The following PGM5 variants were observed in gnomAD, a reference collection of about 807,000 sequenced individuals.
The protein encoded by PGM5 is phosphoglucomutase-like protein 5.
Under a neutral mutation model 59.2 loss-of-function variants are expected in PGM5, and 23 were observed. The ratio of observed to expected loss-of-function variants is 0.39; its 90% CI spans 0.28 to 0.55. The LOEUF is 0.55. Among genes scored for constraint, PGM5 ranks in the 20% least tolerant of loss-of-function variants. The pLI, the probability that PGM5 is intolerant of heterozygous loss-of-function variation, is 0.66. For synonymous variants in PGM5, 214 were observed against 286.0 expected (o/e 0.75, Z 2.54); for missense variants, 574 against 748.3 (o/e 0.77, Z 2.72).
intron 2 of PGM5, among the ~76,000 whole-genome samples, chr9:68,380,232 A>G (rs1554678211): frequency 6.6e-6 from 1 of 152,116 alleles, no homozygotes; most frequent in East Asian, 1.9e-4. Flanking sequence ...AAAAGATTGA[A>G]ATCATGTCTA....
At chr9:68,429,383 A>C (rs1339694961) in intron 6 of PGM5, 1 of 152,172 alleles carries the variant, frequency 6.6e-6, no homozygotes, top group African/African-American at 2.4e-5. Flanking sequence ...TCAACCAACC[A>C]ACCAATCAAC....
chr9:68,402,092 T>A (rs1180589282), intron 6 of PGM5, among the ~76,000 whole-genome samples: 1 of 152,010 alleles, frequency 6.6e-6, no homozygotes, highest in Non-Finnish European at 1.5e-5. Context: ...GCGAAGCCCC[T>A]GTCTCTACTA....
At chr9:68,406,226 C>T (rs1822806441) in intron 6 of PGM5, 1 of 151,990 alleles carries the variant, frequency 6.6e-6, no homozygotes, top group African/African-American at 2.4e-5. Flanking sequence ...CTCAGGGTGT[C>T]TTAGTCTATT....
intron 6 of PGM5, among the ~76,000 whole-genome samples, chr9:68,412,575 C>T (rs34573168): frequency 2.0e-5 from 3 of 152,202 alleles, no homozygotes; most frequent in African/African-American, 4.8e-5. Flanking sequence ...ATGGATCCAT[C>T]TGCACAGGAA....
intron 7 of PGM5, among the ~76,000 whole-genome samples, chr9:68,474,819 G>A (rs1262243364): frequency 6.6e-6 from 1 of 150,494 alleles, no homozygotes; most frequent in African/African-American, 2.5e-5. Context: ...AAATTGTGCT[G>A]GTGTTATTCA....
intron 6 of PGM5, among the ~76,000 whole-genome samples, chr9:68,410,260 T>G (rs1554681514): frequency 7.1e-6 from 1 of 140,872 alleles, no homozygotes. Context: ...TGGCCACACA[T>G]AGCTCCAAGG....
chr9:68,474,539 T>C (rs1824072695), intron 7 of PGM5, among the ~76,000 whole-genome samples: 1 of 151,422 alleles, frequency 6.6e-6, no homozygotes, highest in Non-Finnish European at 1.5e-5. Flanking sequence ...TTAATTTGAG[T>C]GGAGGGGGAA....
At chr9:68,451,071 C>T (rs1428317296) in intron 6 of PGM5, among the ~76,000 whole-genome samples, 7 of 152,122 alleles carry the variant, frequency 4.6e-5, no homozygotes, top group Admixed American at 4.6e-4. Flanking sequence ...ACACAGCCAC[C>T]TACCCACTTG....
chr9:68,453,519 TC>T (rs1823728906), intron 6 of PGM5, among the ~76,000 whole-genome samples: 1 of 152,170 alleles, frequency 6.6e-6, no homozygotes, highest in South Asian at 2.1e-4. Context: ...TAGTATTTTT[TC>T]TTTTTTTGAG....
In PGM5 at chr9:68,387,495, A is replaced by G; in HGVS notation, c.604A>G (p.Asn202Asp). ...AGTGGACCCAGTGGATATCTATCTTAACCTCCTTCGGACCATCTTTGACTT... is the reference window on the plus strand; with the variant it reads ...AGTGGACCCAGTGGATATCTATCTTGACCTCCTTCGGACCATCTTTGACTT... ...EIVDPVDIYL[N>D]LLRTIFDFHA... The change falls in exon 4 of 11, where the codon AAC becomes GAC. Residue 202 changes from asparagine (N) to aspartate (D), a missense_variant. This residue lies in a region of PGM5 where 103 missense variants were observed against 112.4 expected (regional missense o/e 0.92). Coordinates refer to ENST00000396396, the MANE Select transcript of PGM5 (RefSeq NM_021965.4). 1 of 1,611,840 alleles carries G rather than the reference A, an allele frequency of 6.2e-7. No homozygotes were observed. The highest frequency in any genetic ancestry group is 8.5e-7 in the Non-Finnish European group (1 of 1,178,274).
intron 9 of PGM5, among the ~76,000 whole-genome samples, chr9:68,492,628 A>G (rs1824411124): frequency 6.6e-6 from 1 of 152,138 alleles, no homozygotes; most frequent in Non-Finnish European, 1.5e-5. Flanking sequence ...CGAAGGAAGG[A>G]TGGTTTTCTG....
chr9:68,505,722 A>G (rs1053607515), intron 10 of PGM5, among the ~76,000 whole-genome samples: 8 of 152,216 alleles, frequency 5.3e-5, no homozygotes, highest in Non-Finnish European at 1.0e-4. Context: ...TGTGTTCACC[A>G]GCCTGGAAGC....
intron 6 of PGM5, among the ~76,000 whole-genome samples, chr9:68,407,345 C>T (rs1451254449): frequency 6.6e-6 from 1 of 152,176 alleles, no homozygotes; most frequent in Non-Finnish European, 1.5e-5. Flanking sequence ...GCTGCCTAGG[C>T]TCGTCTCAAA....
At chr9:68,383,181 T>A (rs1822121076) in intron 2 of PGM5, among the ~76,000 whole-genome samples, 1 of 151,898 alleles carries the variant, frequency 6.6e-6, no homozygotes, top group Non-Finnish European at 1.5e-5. Flanking sequence ...TGCTATTCTT[T>A]TTTATGAGCA....
chr9:68,379,688 G>C (rs545271975), intron 2 of PGM5, among the ~76,000 whole-genome samples: 1 of 152,062 alleles, frequency 6.6e-6, no homozygotes, highest in Non-Finnish European at 1.5e-5. Flanking sequence ...GATCCAACTA[G>C]ATGCTGCCTA....
intron 1 of PGM5, among the ~76,000 whole-genome samples, chr9:68,370,931 G>C (rs1554677120): frequency 6.6e-6 from 1 of 152,162 alleles, no homozygotes. Flanking sequence ...TCATGAGTCT[G>C]TCTGTGTGTT....
chr9:68,526,867 G>A (rs941386525), intron 10 of PGM5, among the ~76,000 whole-genome samples: 6 of 152,066 alleles, frequency 3.9e-5, no homozygotes, highest in Non-Finnish European at 7.4e-5. Context: ...TTGCATTCAC[G>A]TTTCATTGGT....
chr9:68,428,616 A>G (rs1823286212), intron 6 of PGM5: 1 of 152,142 alleles, frequency 6.6e-6, no homozygotes, highest in Non-Finnish European at 1.5e-5. Flanking sequence ...GTATGGAAAT[A>G]TATATCTGAG....
intron 6 of PGM5, among the ~76,000 whole-genome samples, chr9:68,432,853 T>C (rs1823377548): frequency 6.6e-6 from 1 of 152,176 alleles, no homozygotes; most frequent in African/African-American, 2.4e-5. Flanking sequence ...GTGATCCGCC[T>C]GCCTTGACCT....
Sources: allele counts gnomAD v4.1 joint callset (sites outside exome capture counted in the v4.1 genomes callset), GRCh38; gene constraint gnomAD v4.1.1; regional missense constraint gnomAD v4.1.1; transcripts MANE v1.5; gene names NCBI Gene and HGNC (gene_info 2026-07-23, HGNC 2026-07-21).